The following PACRGL variants were observed in gnomAD, a reference collection of about 807,000 sequenced individuals.
PACRGL encodes the protein PACRG-like protein.
PACRGL carries 38 observed loss-of-function variants against 34.5 expected under a neutral mutation model. The observed-to-expected ratio is 1.10, with a 90% CI of 0.85 to 1.44. The LOEUF (loss-of-function observed/expected upper bound fraction) is 1.44. Ranked by LOEUF, PACRGL falls within the 40% of genes most tolerant of loss-of-function variation. The probability of loss-of-function intolerance (pLI) is 0.00; values close to 1 mark genes in which losing one functional copy is unlikely to be tolerated. For missense variants in PACRGL, 305 were observed against 281.4 expected (o/e 1.08, Z -0.60); for synonymous variants, 128 against 100.1 (o/e 1.28, Z -1.66).
downstream of PACRGL, among the ~76,000 whole-genome samples, chr4:20,733,243 AG>A (rs1327442725): frequency 6.6e-6 from 1 of 152,172 alleles, no homozygotes; most frequent in Non-Finnish European, 1.5e-5. Context: ...AAGGTTCATT[AG>A]GGTTTTTGTT....
intron 8 of PACRGL, among the ~76,000 whole-genome samples, chr4:20,738,210 T>C (rs148826343): frequency 5.6e-4 from 85 of 152,274 alleles, no homozygotes; most frequent in African/African-American, 2.0e-3. Flanking sequence ...TCAAGGAAGA[T>C]TGCTGAGCAG....
downstream of PACRGL, chr4:20,732,713 C>T (rs1294896059): frequency 1.2e-6 from 2 of 1,612,184 alleles, no homozygotes; most frequent in African/African-American, 2.7e-5. Context: ...TGTCTGGGAG[C>T]ATCTTCTTTG....
chr4:20,701,984 A>G (rs1221815924), intron 1 of PACRGL: 1 of 451,832 alleles, frequency 2.2e-6, no homozygotes, highest in Admixed American at 2.4e-5. Flanking sequence ...GCATTACTGT[A>G]TGTTTAATGC....
At chr4:20,718,518 C>G (rs978206126) in intron 7 of PACRGL, among the ~76,000 whole-genome samples, 1 of 152,028 alleles carries the variant, frequency 6.6e-6, no homozygotes, top group Non-Finnish European at 1.5e-5. Context: ...AATACCTAAT[C>G]TATTGAGAGT....
Position 20,712,869 on chromosome 4 carries a change from GA to G in PACRGL, c.453del (p.Ala152LeufsTer8). 1 of 1,605,552 alleles carries G rather than the reference GA, an allele frequency of 6.2e-7. No homozygotes were observed. On this transcript the variant is annotated frameshift_variant, in exon 6 of 9. Transcript: ENST00000503585. LOFTEE classifies it high-confidence loss of function. ...RELLLVKGAP[E>X]KAIPLLPRLI... is the part of the protein sequence containing the mutation. ...ATTACTTTTGGTCAAAGGTGCTCCT[GA>G]AAAAGCTATTCCTTTGCTACCTAGA... is the stretch of plus-strand genomic sequence containing the variant.
the PACRGL span, chr4:20,758,986 T>A: frequency 1.2e-6 from 1 of 864,822 alleles, no homozygotes; most frequent in Middle Eastern, 2.3e-4. Context: ...CATGCAAAGC[T>A]GCACCAAGAA....
chr4:20,698,731 A>C (rs541102616), upstream of PACRGL, among the ~76,000 whole-genome samples: 24 of 152,338 alleles, frequency 1.6e-4, 1 homozygote, highest in South Asian at 4.3e-3. Flanking sequence ...GTTATTATAA[A>C]GATCTGAAAA....
chr4:20,723,198 G>C (rs1744155062), intron 7 of PACRGL, among the ~76,000 whole-genome samples: 1 of 152,114 alleles, frequency 6.6e-6, no homozygotes, highest in South Asian at 2.1e-4. Context: ...AGAGAATCTT[G>C]GCAGATATTT....
intron 8 of PACRGL, among the ~76,000 whole-genome samples, chr4:20,742,112 T>C (rs766907732): frequency 6.6e-6 from 1 of 152,186 alleles, no homozygotes; most frequent in Non-Finnish European, 1.5e-5. Context: ...CAGGACCAGA[T>C]GGATTCACAG....
chr4:20,704,648 G>A lies in PACRGL; in HGVS notation c.53-12G>A. 1 of 1,613,852 alleles carries A rather than the reference G, an allele frequency of 6.2e-7. No homozygotes were observed. The highest frequency in any genetic ancestry group is 1.1e-5 in the South Asian group (1 of 91,060). On this transcript the variant is annotated splice_polypyrimidine_tract_variant and intron_variant, in intron 2 of 8. Transcript: ENST00000503585. ...TGTACCTGGTTTCTATTGATGTTCTGTTTTTTTCCAGGTAACTATGATCAA... is the reference window on the plus strand; with the variant it reads ...TGTACCTGGTTTCTATTGATGTTCTATTTTTTTCCAGGTAACTATGATCAA...
At chr4:20,733,348 C>CT (rs1748809872), downstream of PACRGL, among the ~76,000 whole-genome samples, 1 of 152,086 alleles carries the variant, frequency 6.6e-6, no homozygotes, top group Non-Finnish European at 1.5e-5. Context: ...TTGTTATTAA[C>CT]TTTTTCTCTA....
the PACRGL span, chr4:20,767,229 C>T: frequency 4.6e-5 from 7 of 152,222 alleles, no homozygotes; most frequent in East Asian, 3.9e-4. Flanking sequence ...ATATGAATTA[C>T]GCTTTCTATT....
intron 8 of PACRGL, among the ~76,000 whole-genome samples, chr4:20,751,689 T>C (rs1753668913): frequency 6.6e-6 from 1 of 152,212 alleles, no homozygotes; most frequent in Non-Finnish European, 1.5e-5. Context: ...TGCTATTTTT[T>C]TAATCAAAAA....
downstream of PACRGL, among the ~76,000 whole-genome samples, chr4:20,737,384 G>C (rs987894110): frequency 6.6e-6 from 1 of 152,194 alleles, no homozygotes; most frequent in Non-Finnish European, 1.5e-5. Context: ...TAGGAGTGAA[G>C]AGTAATTTTT....
chr4:20,753,505 G>C (rs947527127), downstream of PACRGL, among the ~76,000 whole-genome samples: 2 of 152,144 alleles, frequency 1.3e-5, no homozygotes, highest in African/African-American at 4.8e-5. Context: ...GTTCTTCATA[G>C]TATTTGAACA....
Position 20,709,775 on chromosome 4 carries a change from T to G in PACRGL, c.366+2T>G. 1 of 1,574,034 alleles carries G rather than the reference T, an allele frequency of 6.4e-7. No homozygotes were observed. The highest frequency in any genetic ancestry group is 8.7e-7 in the Non-Finnish European group (1 of 1,144,696). The stretch of plus-strand genomic sequence containing the variant: ...CCACTTCTTATTACTTTAGCTGAGG[T>G]AAATATGCCATCTCTTGAATATTTA... On this transcript the variant is annotated splice_donor_variant, in intron 5 of 8. Transcript: ENST00000503585. LOFTEE classifies it high-confidence loss of function.
At chr4:20,753,731 C>T (rs2149349471), downstream of PACRGL, among the ~76,000 whole-genome samples, 1 of 152,218 alleles carries the variant, frequency 6.6e-6, no homozygotes, top group African/African-American at 2.4e-5. Context: ...TGTAAATCAC[C>T]CTGAAAATTG....
rs1747401356 is a variant in PACRGL, at chr4:20,729,651, T to TTAATTTAATTTCTGGAAATTAAATGCAGA, written c.*2312_*2340dup. 1 of 139,210 alleles carries TTAATTTAATTTCTGGAAATTAAATGCAGA rather than the reference T, an allele frequency of 7.2e-6. No individual in the cohort carries two copies. The allele number at this position is 139,210 out of a possible 1,614,324, so 8.6% of individuals were successfully genotyped here. ...GAATTACAGCATTCAAACATGAAAA[T>TTAATTTAATTTCTGGAAATTAAATGCAGA]TAATTTAATTTCTGGAAATTAAATG... On this transcript the variant is annotated 3_prime_UTR_variant, in exon 9 of 9. Coordinates refer to ENST00000503585, the MANE Select transcript of PACRGL (RefSeq NM_001258345.3).
At chr4:20,716,748 G>A (rs1489078701) in intron 7 of PACRGL, among the ~76,000 whole-genome samples, 7 of 152,154 alleles carry the variant, frequency 4.6e-5, no homozygotes, top group African/African-American at 1.7e-4. Flanking sequence ...GGACATTTGG[G>A]TTGGTTCCAA....
Sources: allele counts gnomAD v4.1 joint callset (sites outside exome capture counted in the v4.1 genomes callset), GRCh38; gene constraint gnomAD v4.1.1; transcripts MANE v1.5; gene names NCBI Gene and HGNC (gene_info 2026-07-23, HGNC 2026-07-21).